Variants in WWOX observed in about 807,000 individuals in gnomAD.
WWOX encodes the protein WW domain containing oxidoreductase.
WWOX carries 69 observed loss-of-function variants against 46.2 expected under a neutral mutation model. The ratio of observed to expected loss-of-function variants is 1.49; its 90% CI spans 1.23 to 1.82. WWOX has a LOEUF of 1.82. Ranked by LOEUF, WWOX falls within the 40% of genes most tolerant of loss-of-function variation. WWOX has a pLI of 0.00. For missense variants in WWOX, 919 were observed against 542.6 expected (o/e 1.69, Z -6.89); for synonymous variants, 359 against 202.6 (o/e 1.77, Z -6.56).
intron 8 of WWOX, among the ~76,000 whole-genome samples, chr16:78,666,423 C>T (rs1242333233): frequency 6.6e-6 from 1 of 152,172 alleles, no homozygotes; most frequent in Non-Finnish European, 1.5e-5. Flanking sequence ...AACCCAAGCC[C>T]CAGTGTGTCA....
chr16:79,115,248 G>C (rs1343728319), intron 8 of WWOX, among the ~76,000 whole-genome samples: 2 of 152,324 alleles, frequency 1.3e-5, no homozygotes, highest in African/African-American at 4.8e-5. Context: ...ACAATCAATG[G>C]AAACACAGCT....
At chr16:78,677,989 A>G (rs1166485231) in intron 8 of WWOX, among the ~76,000 whole-genome samples, 1 of 152,168 alleles carries the variant, frequency 6.6e-6, no homozygotes, top group East Asian at 1.9e-4. Flanking sequence ...TAAAATAGCA[A>G]ATTTCTTTCC....
chr16:79,079,224 A>G (rs1318786939), intron 8 of WWOX, among the ~76,000 whole-genome samples: 1 of 152,224 alleles, frequency 6.6e-6, no homozygotes, highest in African/African-American at 2.4e-5. Context: ...GGTCTTAGCA[A>G]CAGTAGAAGG....
chr16:78,654,349 C>T (rs1222255567), intron 8 of WWOX, among the ~76,000 whole-genome samples: 3 of 152,238 alleles, frequency 2.0e-5, no homozygotes, highest in Non-Finnish European at 2.9e-5. Flanking sequence ...TCGTCATCCT[C>T]ATCATCGTGT....
chr16:78,134,565 T>C (rs766209565), intron 4 of WWOX, among the ~76,000 whole-genome samples: 2 of 152,196 alleles, frequency 1.3e-5, no homozygotes, highest in Non-Finnish European at 2.9e-5. Context: ...TATTTTACTT[T>C]AATTTCTGTA....
rs1597067273 is a variant in WWOX, at chr16:78,343,395, A to G, written c.517-43465A>G. Among the ~76,000 whole-genome samples the G allele has an allele frequency of 1.7e-5, 2 of 120,716 alleles. 1 individual carries two copies. The highest frequency in any genetic ancestry group is 5.0e-4 in the South Asian group (2 of 4,030). The allele number at this position is 120,716 out of a possible 152,430, so 79.2% of individuals were successfully genotyped here. A position where few individuals can be genotyped will look rare whatever the true frequency, so the allele number is the denominator to read the frequency against. ...ATTTTTCTCATGCTTCCATTTCCAT[A>G]TTCTCAATCAATCACTGATGGCCAG... On this transcript the variant is annotated intron_variant, in intron 5 of 8. Coordinates refer to ENST00000566780, the MANE Select transcript of WWOX (RefSeq NM_016373.4).
chr16:78,755,839 C>T lies in WWOX; in HGVS notation c.1056+323087C>T, dbSNP rs117864666. Among the ~76,000 whole-genome samples the T allele has an allele frequency of 1.4e-4, 21 of 152,276 alleles. No homozygotes were observed. In the East Asian group the frequency reaches 3.5e-3, roughly 25 times the overall value. On this transcript the variant is annotated intron_variant, in intron 8 of 8. Coordinates refer to ENST00000566780, the MANE Select transcript of WWOX (RefSeq NM_016373.4). Reference sequence around the variant, plus strand: ...TAATAGCTTTGGGTCTACAAGTAACCACCCCAGATTTTTCTCCTCCTCTAT... The same window carrying T: ...TAATAGCTTTGGGTCTACAAGTAACTACCCCAGATTTTTCTCCTCCTCTAT...
chr16:79,189,370 GTC>G (rs1405322226), intron 8 of WWOX, among the ~76,000 whole-genome samples: 2 of 150,748 alleles, frequency 1.3e-5, no homozygotes, highest in African/African-American at 2.4e-5. Flanking sequence ...TGATCCTCCT[GTC>G]TCAGCCTCCC....
At chr16:78,833,982 A>T (rs7501417) in intron 8 of WWOX, among the ~76,000 whole-genome samples, 1 of 152,086 alleles carries the variant, frequency 6.6e-6, no homozygotes, top group African/African-American at 2.4e-5. Context: ...CATTGTCTTG[A>T]GTTTATTAAG....
At chr16:78,988,009 A>T (rs1383060606) in intron 8 of WWOX, among the ~76,000 whole-genome samples, 1 of 151,956 alleles carries the variant, frequency 6.6e-6, no homozygotes, top group Non-Finnish European at 1.5e-5. Flanking sequence ...GGGCTATTTT[A>T]TAAAGGGGGG....
chr16:78,957,223 C>T (rs985270275), intron 8 of WWOX, among the ~76,000 whole-genome samples: 2 of 152,148 alleles, frequency 1.3e-5, no homozygotes, highest in Non-Finnish European at 2.9e-5. Context: ...TCCAGCAAAC[C>T]ACACCGCCGT....
chr16:78,805,887 C>T (rs896408120), intron 8 of WWOX, among the ~76,000 whole-genome samples: 1 of 152,294 alleles, frequency 6.6e-6, no homozygotes, highest in Non-Finnish European at 1.5e-5. Flanking sequence ...CTTGTTGGGT[C>T]TTCTTTCTAG....
At chr16:78,504,545 G>A (rs2085145909) in intron 8 of WWOX, among the ~76,000 whole-genome samples, 1 of 152,184 alleles carries the variant, frequency 6.6e-6, no homozygotes. Context: ...TTATGTAAAT[G>A]CTCAACAGAC....
At chr16:78,592,144 A>G (rs900132863) in intron 8 of WWOX, among the ~76,000 whole-genome samples, 3 of 152,224 alleles carry the variant, frequency 2.0e-5, no homozygotes, top group South Asian at 2.1e-4. Flanking sequence ...ATGTGAAAAT[A>G]AAGAACAGCA....
intron 8 of WWOX, among the ~76,000 whole-genome samples, chr16:78,845,700 A>G (rs575806267): frequency 2.0e-5 from 3 of 152,322 alleles, no homozygotes; most frequent in South Asian, 4.1e-4. Flanking sequence ...TTTCCGGAAG[A>G]ATGGCCTTCC....
At chr16:78,317,791 TTA>T (rs1417090207) in intron 5 of WWOX, among the ~76,000 whole-genome samples, 1 of 152,138 alleles carries the variant, frequency 6.6e-6, no homozygotes, top group Non-Finnish European at 1.5e-5. Flanking sequence ...CCAACAGTGT[TTA>T]TGACATCCAA....
chr16:78,590,243 A>T (rs1173520843), intron 8 of WWOX, among the ~76,000 whole-genome samples: 3 of 152,184 alleles, frequency 2.0e-5, no homozygotes, highest in Non-Finnish European at 4.4e-5. Flanking sequence ...ATTCAAGATC[A>T]AGATGCAGAC....
chr16:78,411,336 T>C (rs2151950090), intron 6 of WWOX, among the ~76,000 whole-genome samples: 1 of 152,258 alleles, frequency 6.6e-6, no homozygotes, highest in South Asian at 2.1e-4. Flanking sequence ...TATATATTGC[T>C]AATGGATTTT....
intron 8 of WWOX, among the ~76,000 whole-genome samples, chr16:79,192,151 C>G (rs891379366): frequency 7.2e-5 from 11 of 152,332 alleles, no homozygotes; most frequent in Non-Finnish European, 1.6e-4. Flanking sequence ...GAGCTCTGCT[C>G]TCAGGACCAA....
Sources: allele counts gnomAD v4.1 joint callset (sites outside exome capture counted in the v4.1 genomes callset), GRCh38; gene constraint gnomAD v4.1.1; transcripts MANE v1.5; gene names NCBI Gene and HGNC (gene_info 2026-07-23, HGNC 2026-07-21).